The following ADCY2 variants were observed in gnomAD, a reference collection of about 807,000 sequenced individuals.
The protein encoded by ADCY2 is adenylate cyclase 2.
In ADCY2, 31 loss-of-function variants were observed where a neutral mutation model predicts 125.2. The observed-to-expected ratio is 0.25, with a 90% CI of 0.19 to 0.33. The LOEUF is 0.33. ADCY2 is among the 10% of genes least tolerant of loss of function. ADCY2 has a pLI of 1.00. For synonymous variants in ADCY2, 512 were observed against 548.4 expected (o/e 0.93, Z 0.93); for missense variants, 904 against 1,418.2 (o/e 0.64, Z 5.82).
At chr5:7,565,108 T>A (rs1317902491) in intron 3 of ADCY2, among the ~76,000 whole-genome samples, 1 of 152,246 alleles carries the variant, frequency 6.6e-6, no homozygotes, top group East Asian at 1.9e-4. Context: ...TAAACGCACA[T>A]GGGCTGTAAA....
intron 19 of ADCY2, 45 bp from the exon 20 acceptor site, chr5:7,789,597 A>G: frequency 6.3e-7 from 1 of 1,575,536 alleles, no homozygotes; most frequent in Non-Finnish European, 8.6e-7. Context: ...CTCTGGCAGG[A>G]CAAGATGCCT....
chr5:7,784,743 A>T (rs1744032283), intron 19 of ADCY2, among the ~76,000 whole-genome samples: 1 of 152,074 alleles, frequency 6.6e-6, no homozygotes, highest in South Asian at 2.1e-4. Context: ...TAAGCCTACA[A>T]AAGTGTTCCT....
rs1435564249 is a variant in ADCY2, at chr5:7,724,578, C to T, written c.1737C>T (p.Ile579=). ...TCAAGTCTGAAGACATTCAGAGAAT[C>T]TCACTGCTTTTCTATAACAAAGTAC... ...QWLKSEDIQR[I]SLLFYNKVLE... is the part of the protein sequence containing the mutation. The change falls in exon 13 of 25, where the codon ATC becomes ATT. Residue 579 remains isoleucine, a synonymous_variant. Coordinates refer to ENST00000338316, the MANE Select transcript of ADCY2 (RefSeq NM_020546.3). The T allele has an allele frequency of 6.2e-7, 1 of 1,601,156 alleles. No individual in the cohort carries two copies. The highest frequency in any genetic ancestry group is 1.8e-5 in the Admixed American group (1 of 56,506).
At chr5:7,558,673 G>A (rs910626809) in intron 3 of ADCY2, among the ~76,000 whole-genome samples, 1 of 152,058 alleles carries the variant, frequency 6.6e-6, no homozygotes, top group Non-Finnish European at 1.5e-5. Flanking sequence ...CTATGGAAAA[G>A]CTTTTAAGTT....
chr5:7,515,042 C>T (rs563879260), intron 2 of ADCY2, among the ~76,000 whole-genome samples: 25 of 152,342 alleles, frequency 1.6e-4, no homozygotes, highest in Middle Eastern at 3.4e-3. Context: ...TGGAGCAGCT[C>T]GTCTTCCAAG....
intron 21 of ADCY2, among the ~76,000 whole-genome samples, chr5:7,803,947 TAC>T (rs1393014969): frequency 1.1e-4 from 16 of 146,876 alleles, no homozygotes; most frequent in South Asian, 2.1e-4. Flanking sequence ...TGTATATATA[TAC>T]ACACACACAC....
chr5:7,801,258 T>C (rs16879141), intron 20 of ADCY2: 16,714 of 152,298 alleles, frequency 0.11, 1,139 homozygotes, highest in East Asian at 0.24. Context: ...TTACTGATAA[T>C]GTTCATGTAG....
intron 2 of ADCY2, among the ~76,000 whole-genome samples, chr5:7,506,198 CCAAA>C (rs1358825066): frequency 6.6e-6 from 1 of 151,964 alleles, no homozygotes; most frequent in African/African-American, 2.4e-5. Context: ...TAGTATGGTG[CCAAA>C]CACTCAACAA....
chr5:7,805,522 T>TA (rs1422205931), intron 22 of ADCY2, among the ~76,000 whole-genome samples: 1 of 151,940 alleles, frequency 6.6e-6, no homozygotes, highest in African/African-American at 2.4e-5. Flanking sequence ...GGAATATTAG[T>TA]AAAAAAGACC....
intron 3 of ADCY2, among the ~76,000 whole-genome samples, chr5:7,581,131 A>G (rs746271915): frequency 1.3e-5 from 2 of 152,206 alleles, no homozygotes; most frequent in Non-Finnish European, 2.9e-5. Flanking sequence ...AAGAAGAACA[A>G]CCTTTGGAAA....
intron 15 of ADCY2, among the ~76,000 whole-genome samples, chr5:7,748,181 C>T (rs1183616222): frequency 2.0e-5 from 3 of 152,094 alleles, no homozygotes; most frequent in Non-Finnish European, 2.9e-5. Context: ...AAATATGTGC[C>T]CTAGGGGACC....
intron 4 of ADCY2, among the ~76,000 whole-genome samples, chr5:7,669,039 T>C (rs1414958911): frequency 6.6e-6 from 1 of 152,244 alleles, no homozygotes; most frequent in Non-Finnish European, 1.5e-5. Flanking sequence ...GCAGCCATCC[T>C]GGGCCTGATG....
intron 4 of ADCY2, among the ~76,000 whole-genome samples, chr5:7,688,274 GT>G (rs56801001): frequency 4.7e-5 from 7 of 147,816 alleles, no homozygotes; most frequent in African/African-American, 1.0e-4. Flanking sequence ...TTTTTTTGTT[GT>G]TTTTTTTTTT....
At chr5:7,473,632 C>G (rs1038878497) in intron 2 of ADCY2, among the ~76,000 whole-genome samples, 1 of 152,130 alleles carries the variant, frequency 6.6e-6, no homozygotes, top group South Asian at 2.1e-4. Flanking sequence ...AGATCTTCAC[C>G]TGTACCCTGG....
intron 14 of ADCY2, among the ~76,000 whole-genome samples, chr5:7,738,581 G>C (rs967659918): frequency 6.6e-6 from 1 of 151,824 alleles, no homozygotes; most frequent in Non-Finnish European, 1.5e-5. Flanking sequence ...TTATAAATGG[G>C]AAAGGACTAA....
chr5:7,575,182 T>G (rs1736207524), intron 3 of ADCY2, among the ~76,000 whole-genome samples: 1 of 151,968 alleles, frequency 6.6e-6, no homozygotes, highest in Non-Finnish European at 1.5e-5. Context: ...AATTTTTAAA[T>G]TAAAAAATAA....
At chr5:7,654,480 G>A (rs914216607) in intron 4 of ADCY2, among the ~76,000 whole-genome samples, 1 of 152,310 alleles carries the variant, frequency 6.6e-6, no homozygotes, top group Admixed American at 6.5e-5. Context: ...GAGTAGGAAG[G>A]AAGGGATGGG....
At chr5:7,721,198 T>G (rs1198385067) in intron 12 of ADCY2, among the ~76,000 whole-genome samples, 1 of 152,258 alleles carries the variant, frequency 6.6e-6, no homozygotes, top group Non-Finnish European at 1.5e-5. Flanking sequence ...ATGTCTTCTT[T>G]TGAGAAGTGT....
intron 2 of ADCY2, among the ~76,000 whole-genome samples, chr5:7,505,123 ATTC>A (rs1218170882): frequency 2.6e-5 from 4 of 152,142 alleles, no homozygotes; most frequent in Admixed American, 6.5e-5. Flanking sequence ...GGCTCAAGCA[ATTC>A]TTCTACCTTG....
Sources: allele counts gnomAD v4.1 joint callset (sites outside exome capture counted in the v4.1 genomes callset), GRCh38; gene constraint gnomAD v4.1.1; transcripts MANE v1.5; gene names NCBI Gene and HGNC (gene_info 2026-07-23, HGNC 2026-07-21).